Variants in EDIL3 observed in about 807,000 individuals in gnomAD.
EDIL3 encodes EGF like and discoidin domains 3.
In EDIL3, 37 loss-of-function variants were observed where a neutral mutation model predicts 67.4. That is an observed-to-expected ratio of 0.55 (90% CI 0.42 to 0.72). The LOEUF is 0.72. EDIL3 is among the 30% of genes least tolerant of loss of function. EDIL3 has a pLI of 0.00. For synonymous variants in EDIL3, 195 were observed against 196.3 expected (o/e 0.99, Z 0.05); for missense variants, 527 against 586.3 (o/e 0.90, Z 1.04).
chr5:84,172,119 G>T (rs569125917), intron 4 of EDIL3, among the ~76,000 whole-genome samples: 1 of 152,092 alleles, frequency 6.6e-6, no homozygotes, highest in Non-Finnish European at 1.5e-5. Context: ...ACACTGACCG[G>T]CAAAGCCATT....
At chr5:84,129,368 A>G (rs1213926277) in intron 5 of EDIL3, among the ~76,000 whole-genome samples, 1 of 152,098 alleles carries the variant, frequency 6.6e-6, no homozygotes, top group Non-Finnish European at 1.5e-5. Flanking sequence ...TTATATATTC[A>G]AGTATATATG....
chr5:84,326,361 T>A (rs1746756391), intron 1 of EDIL3, among the ~76,000 whole-genome samples: 2 of 152,060 alleles, frequency 1.3e-5, no homozygotes, highest in African/African-American at 4.8e-5. Context: ...GAAAGTAGAA[T>A]TATAATTACA....
chr5:84,119,867 T>C (rs1747739700), intron 5 of EDIL3, among the ~76,000 whole-genome samples: 1 of 151,992 alleles, frequency 6.6e-6, no homozygotes, highest in South Asian at 2.1e-4. Context: ...TAATACCTGA[T>C]TTCTGTATCT....
intron 1 of EDIL3, among the ~76,000 whole-genome samples, chr5:84,350,640 A>T (rs1449492569): frequency 6.6e-6 from 1 of 152,092 alleles, no homozygotes; most frequent in Admixed American, 6.6e-5. Flanking sequence ...TTTTAAAAAT[A>T]GTGATCCTCA....
At chr5:84,273,439 C>T (rs1031709033) in intron 1 of EDIL3, among the ~76,000 whole-genome samples, 1 of 152,166 alleles carries the variant, frequency 6.6e-6, no homozygotes, top group South Asian at 2.1e-4. Flanking sequence ...GTCCCTTAAT[C>T]TCTTCATGTT....
intron 4 of EDIL3, among the ~76,000 whole-genome samples, chr5:84,165,599 G>A (rs775158599): frequency 6.6e-6 from 1 of 152,106 alleles, no homozygotes; most frequent in African/African-American, 2.4e-5. Context: ...AAAGGTATGA[G>A]AAGCAAAGTG....
intron 1 of EDIL3, among the ~76,000 whole-genome samples, chr5:84,296,964 C>T (rs1220896412): frequency 2.0e-5 from 3 of 152,028 alleles, no homozygotes; most frequent in African/African-American, 7.3e-5. Flanking sequence ...GGGCGGATCA[C>T]GAGGTCAGGA....
At chr5:84,059,447 C>T (rs1250388283) in intron 9 of EDIL3, among the ~76,000 whole-genome samples, 1 of 152,062 alleles carries the variant, frequency 6.6e-6, no homozygotes, top group Admixed American at 6.6e-5. Context: ...AGAAGAGGAA[C>T]TATTGCAAAT....
At chr5:84,281,078 A>G (rs142860887) in intron 1 of EDIL3, among the ~76,000 whole-genome samples, 18 of 152,304 alleles carry the variant, frequency 1.2e-4, no homozygotes, top group Middle Eastern at 3.4e-3. Context: ...AATGTTCAAT[A>G]AATGACCATT....
chr5:84,348,291 C>T (rs1014811896), intron 1 of EDIL3, among the ~76,000 whole-genome samples: 7 of 152,062 alleles, frequency 4.6e-5, no homozygotes, highest in African/African-American at 1.7e-4. Context: ...CTCATTTCTA[C>T]TCTCCTTGTT....
intron 2 of EDIL3, among the ~76,000 whole-genome samples, chr5:84,253,784 G>A (rs1239399249): frequency 6.6e-6 from 1 of 151,490 alleles, no homozygotes; most frequent in Non-Finnish European, 1.5e-5. Context: ...TTTTATTTGA[G>A]AATAAAATGT....
intron 6 of EDIL3, among the ~76,000 whole-genome samples, chr5:84,082,398 C>T (rs1238725210): frequency 1.3e-5 from 2 of 152,162 alleles, no homozygotes; most frequent in Non-Finnish European, 2.9e-5. Flanking sequence ...ACAAAGCAAA[C>T]ATACACTCTA....
intron 4 of EDIL3, among the ~76,000 whole-genome samples, chr5:84,179,926 T>G (rs182668729): frequency 1.5e-3 from 221 of 152,140 alleles, no homozygotes; most frequent in African/African-American, 5.0e-3. Flanking sequence ...CTTATTGAGC[T>G]TTCAAAGATT....
At chr5:84,320,997 T>C (rs16901053) in intron 1 of EDIL3, among the ~76,000 whole-genome samples, 13,542 of 152,210 alleles carry the variant, frequency 0.089, 748 homozygotes, top group South Asian at 0.2. Context: ...TAGATGATTT[T>C]CTGCAACGAT....
intron 1 of EDIL3, among the ~76,000 whole-genome samples, chr5:84,381,188 A>C (rs1748069035): frequency 6.6e-6 from 1 of 152,144 alleles, no homozygotes. Flanking sequence ...AATACATTTT[A>C]ATTCTAAGGA....
intron 9 of EDIL3, among the ~76,000 whole-genome samples, chr5:84,025,142 G>T (rs972994709): frequency 1.3e-5 from 2 of 152,084 alleles, no homozygotes; most frequent in African/African-American, 2.4e-5. Flanking sequence ...TTGCTGCAGT[G>T]ACCTCGGCTA....
At chr5:84,089,090 T>C (rs1002802001) in intron 6 of EDIL3, among the ~76,000 whole-genome samples, 54 of 152,186 alleles carry the variant, frequency 3.5e-4, no homozygotes, top group African/African-American at 1.3e-3. Flanking sequence ...TGAAACTTCA[T>C]TTAGAAGTTC....
At chr5:84,167,299 T>C (rs1352510595) in intron 4 of EDIL3, among the ~76,000 whole-genome samples, 1 of 152,010 alleles carries the variant, frequency 6.6e-6, no homozygotes, top group Non-Finnish European at 1.5e-5. Flanking sequence ...TCTAAGGAGT[T>C]TGATTGGAAA....
At chr5:84,141,926 C>CAT (rs145638622) in intron 4 of EDIL3, among the ~76,000 whole-genome samples, 2,412 of 124,814 alleles carry the variant, frequency 0.019, 40 homozygotes, top group East Asian at 0.034. Flanking sequence ...TATATATACA[C>CAT]ATATATATAT....
Sources: gnomAD v4.1 joint callset for allele counts (sites outside exome capture counted in the v4.1 genomes callset) on GRCh38, gnomAD v4.1.1 for gene constraint, MANE v1.5 for transcripts, NCBI Gene and HGNC (gene_info 2026-07-23, HGNC 2026-07-21) for gene names.